Variants in ZFHX3 observed in about 807,000 individuals in gnomAD.
ZFHX3 encodes zinc finger homeobox protein 3.
In ZFHX3, 42 loss-of-function variants were observed where a neutral mutation model predicts 279.1. That is an observed-to-expected ratio of 0.15 (90% CI 0.12 to 0.19). The LOEUF (loss-of-function observed/expected upper bound fraction) is 0.19. Ranked by LOEUF, ZFHX3 falls within the 10% of genes least tolerant of loss-of-function variation. The probability of loss-of-function intolerance (pLI) is 1.00; values close to 1 mark genes in which losing one functional copy is unlikely to be tolerated. For missense variants in ZFHX3, 4,981 were observed against 4,754.0 expected, an observed-to-expected ratio of 1.05 and a Z score of -1.40; for synonymous variants, 2,293 against 1,957.8, an observed-to-expected ratio of 1.17 and a Z score of -4.52.
intron 3 of ZFHX3, among the ~76,000 whole-genome samples, chr16:72,950,086 A>T (rs1960907099): frequency 6.6e-6 from 1 of 150,982 alleles, no homozygotes; most frequent in Non-Finnish European, 1.5e-5. Flanking sequence ...GAAATAGAAA[A>T]AAAAAAAAAG....
chr16:72,801,999 T>A (rs1313554912), intron 7 of ZFHX3, among the ~76,000 whole-genome samples: 1 of 151,686 alleles, frequency 6.6e-6, no homozygotes, highest in East Asian at 1.9e-4. Context: ...TTAGGAATTA[T>A]GAAAAATGAA....
chr16:73,867,442 C>A (rs139843677), intron 1 of ZFHX3, among the ~76,000 whole-genome samples: 1 of 152,056 alleles, frequency 6.6e-6, no homozygotes, highest in African/African-American at 2.4e-5. Flanking sequence ...CCCAGCATCA[C>A]GGGAACCACA....
chr16:73,510,013 T>C (rs1035794806), intron 2 of ZFHX3, among the ~76,000 whole-genome samples: 3 of 152,194 alleles, frequency 2.0e-5, no homozygotes, highest in Admixed American at 6.5e-5. Flanking sequence ...GTCTCAAACA[T>C]GCTCAGCATC....
chr16:73,884,363 A>G (rs1437061942), intron 1 of ZFHX3, among the ~76,000 whole-genome samples: 4 of 152,168 alleles, frequency 2.6e-5, no homozygotes, highest in Non-Finnish European at 4.4e-5. Flanking sequence ...ATTATTATCC[A>G]TGGACTAAAT....
intron 4 of ZFHX3, among the ~76,000 whole-genome samples, chr16:72,872,321 A>G (rs2038182817): frequency 6.6e-6 from 1 of 152,156 alleles, no homozygotes; most frequent in South Asian, 2.1e-4. Flanking sequence ...TTCCCCTCCA[A>G]TACAAATAGC....
At chr16:73,648,887 C>T (rs997685797) in intron 2 of ZFHX3, among the ~76,000 whole-genome samples, 8 of 152,090 alleles carry the variant, frequency 5.3e-5, no homozygotes, top group African/African-American at 1.9e-4. Context: ...GATAACTTTG[C>T]CCTTCAACAT....
chr16:73,357,289 T>G (rs903437048), intron 3 of ZFHX3, among the ~76,000 whole-genome samples: 11 of 151,946 alleles, frequency 7.2e-5, no homozygotes, highest in Non-Finnish European at 1.5e-4. Context: ...ATCAGCAGGT[T>G]TGCATCTTGG....
chr16:73,027,955 A>G (rs893815355), intron 1 of ZFHX3, among the ~76,000 whole-genome samples: 2 of 152,072 alleles, frequency 1.3e-5, no homozygotes, highest in Non-Finnish European at 2.9e-5. Context: ...CACGGGGACC[A>G]TATTTCACAG....
At chr16:73,073,351 C>G (rs1050450582) in intron 8 of ZFHX3, among the ~76,000 whole-genome samples, 2 of 152,156 alleles carry the variant, frequency 1.3e-5, no homozygotes, top group African/African-American at 4.8e-5. Flanking sequence ...TGGAAGAGGT[C>G]GGTCATAGAT....
intron 4 of ZFHX3, among the ~76,000 whole-genome samples, chr16:73,260,225 G>A (rs1418575646): frequency 1.3e-5 from 2 of 152,116 alleles, no homozygotes; most frequent in Non-Finnish European, 2.9e-5. Flanking sequence ...ACATGGAATT[G>A]ACGTTATGTG....
intron 3 of ZFHX3, among the ~76,000 whole-genome samples, chr16:72,909,877 CAAA>C (rs66982395): frequency 1.2e-5 from 1 of 82,318 alleles, no homozygotes; most frequent in Non-Finnish European, 2.3e-5. Flanking sequence ...CACCGTGTCT[CAAA>C]AAAAAAAAAA....
At chr16:73,688,533 C>T (rs1333786618) in intron 1 of ZFHX3, among the ~76,000 whole-genome samples, 1 of 152,110 alleles carries the variant, frequency 6.6e-6, no homozygotes, top group Non-Finnish European at 1.5e-5. Flanking sequence ...GGACACAGTG[C>T]AAAGGCGCCC....
intron 1 of ZFHX3, among the ~76,000 whole-genome samples, chr16:73,833,400 G>A (rs1347538654): frequency 6.6e-6 from 1 of 152,064 alleles, no homozygotes; most frequent in Admixed American, 6.6e-5. Flanking sequence ...TTGCAAGATG[G>A]GAAAAGGAAT....
Position 72,889,592 on chromosome 16 carries a change from G to A in ZFHX3, c.3448+139C>T, listed in dbSNP as rs950576633. On this transcript the variant is annotated intron_variant, in intron 4 of 9. Coordinates refer to ENST00000268489, the MANE Select transcript of ZFHX3 (RefSeq NM_006885.4). Reference sequence around the variant, plus strand: ...CTGCATGTTCCTTCCAAAACACAATGCTCACCTGTGAAGTCAGTAAGGAAC... The same window carrying A: ...CTGCATGTTCCTTCCAAAACACAATACTCACCTGTGAAGTCAGTAAGGAAC... The A allele has an allele frequency of 6.6e-6, 5 of 753,246 alleles. No individual in the cohort carries two copies. The African/African-American group carries it at 7.1e-5, about 11-fold the overall frequency. The allele number at this position is 753,246 out of a possible 1,614,324, so 46.7% of individuals were successfully genotyped here.
At chr16:73,214,443 G>A (rs901010092) in intron 5 of ZFHX3, among the ~76,000 whole-genome samples, 1 of 152,052 alleles carries the variant, frequency 6.6e-6, no homozygotes, top group Non-Finnish European at 1.5e-5. Context: ...AAAAAAGGAG[G>A]AAGATTCCAA....
At chr16:73,267,735 G>A (rs1417626764) in intron 4 of ZFHX3, among the ~76,000 whole-genome samples, 1 of 152,036 alleles carries the variant, frequency 6.6e-6, no homozygotes, top group East Asian at 1.9e-4. Context: ...GGGGACGCTG[G>A]GCTAGACCAG....
chr16:72,938,303 G>A (rs942361595), intron 3 of ZFHX3, among the ~76,000 whole-genome samples: 22 of 152,268 alleles, frequency 1.4e-4, no homozygotes, highest in African/African-American at 2.2e-4. Context: ...AACGCAGGGC[G>A]TGTGTAACCA....
chr16:73,004,515 T>C (rs1430841081), intron 1 of ZFHX3, among the ~76,000 whole-genome samples: 1 of 151,952 alleles, frequency 6.6e-6, no homozygotes, highest in African/African-American at 2.4e-5. Flanking sequence ...GGTTTCCCCA[T>C]GTTGGCCAGG....
At chr16:73,693,831 C>G (rs562663372) in intron 1 of ZFHX3, among the ~76,000 whole-genome samples, 6 of 152,178 alleles carry the variant, frequency 3.9e-5, no homozygotes, top group Admixed American at 2.0e-4. Context: ...GTAACCTGTG[C>G]GTTTCCACAT....
Sources: gnomAD v4.1 joint callset for allele counts (sites outside exome capture counted in the v4.1 genomes callset) on GRCh38, gnomAD v4.1.1 for gene constraint, MANE v1.5 for transcripts, NCBI Gene and HGNC (gene_info 2026-07-23, HGNC 2026-07-21) for gene names.